The following BFSP1 variants were observed in gnomAD, a reference collection of about 807,000 sequenced individuals.
BFSP1 encodes beaded filament structural protein 1, also known as filensin.
In BFSP1, 38 loss-of-function variants were observed where a neutral mutation model predicts 43.9. The observed-to-expected ratio is 0.87, with a 90% CI of 0.67 to 1.14. The LOEUF is 1.14. Ranked by LOEUF, BFSP1 falls within the 50% of genes most tolerant of loss-of-function variation. BFSP1 has a pLI of 0.00. For missense variants in BFSP1, 850 were observed against 875.1 expected (o/e 0.97, Z 0.36); for synonymous variants, 352 against 354.8 (o/e 0.99, Z 0.09).
intron 1 of BFSP1, among the ~76,000 whole-genome samples, chr20:17,549,933 G>A (rs1002511624): frequency 1.3e-5 from 2 of 152,090 alleles, no homozygotes; most frequent in Non-Finnish European, 2.9e-5. Flanking sequence ...TGCAACACTG[G>A]GGATTACAAT....
At chr20:17,544,916 C>A (rs946002720) in intron 1 of BFSP1, among the ~76,000 whole-genome samples, 1 of 152,174 alleles carries the variant, frequency 6.6e-6, no homozygotes, top group African/African-American at 2.4e-5. Flanking sequence ...TGCATCCAGA[C>A]AAAGGTTCAA....
intron 1 of BFSP1, among the ~76,000 whole-genome samples, chr20:17,553,093 C>A (rs1243445408): frequency 6.6e-6 from 1 of 152,106 alleles, no homozygotes; most frequent in East Asian, 1.9e-4. Context: ...GAGGAACCAG[C>A]AAAGGAGCCT....
At position 17,529,494 on chromosome 20, in the gene BFSP1, A is replaced by G. The variant is rs189666453; in HGVS notation, c.377+1459T>C. Among the ~76,000 whole-genome samples, 1,181 of 151,356 alleles carry G rather than the reference A, an allele frequency of 7.8e-3. 7 individuals carry two copies. The highest frequency in any genetic ancestry group is 0.017 in the South Asian group (80 of 4,752). On this transcript the variant is annotated intron_variant, in intron 1 of 7. Coordinates refer to ENST00000377873, the MANE Select transcript of BFSP1 (RefSeq NM_001195.5). ...TTATCTCCCTCAGGTAGCCAGTGTC[A>G]TTGGGGCATGTGCCTGTGTGTGTGT...
intron 1 of BFSP1, among the ~76,000 whole-genome samples, chr20:17,528,494 T>C (rs896902329): frequency 1.3e-5 from 2 of 152,218 alleles, no homozygotes; most frequent in African/African-American, 4.8e-5. Context: ...CACAGGGCAC[T>C]TTCCCCCTTT....
Position 17,530,942 on chromosome 20 carries a change from C to T in BFSP1, c.377+11G>A. On this transcript the variant is annotated intron_variant, in intron 1 of 7. Transcript: ENST00000377873. The stretch of plus-strand genomic sequence containing the variant: ...GCCCTGCCTCGGTTTCCCCCGATGG[C>T]CGCCGCTTACTTGCTTCGGAACTCG... 1 of 1,412,996 alleles carries T rather than the reference C, an allele frequency of 7.1e-7. No homozygotes were observed. Among genetic ancestry groups the T allele is most frequent in the Non-Finnish European group, 9.2e-7 (1 of 1,087,066 alleles). The allele number at this position is 1,412,996 out of a possible 1,614,324, so 87.5% of individuals were successfully genotyped here.
intron 4 of BFSP1, among the ~76,000 whole-genome samples, chr20:17,509,232 A>T (rs928338438): frequency 6.6e-6 from 1 of 152,064 alleles, no homozygotes; most frequent in African/African-American, 2.4e-5. Flanking sequence ...GAACAAGAAG[A>T]GACACCAGAG....
chr20:17,521,290 T>C (rs1352089299), intron 2 of BFSP1, among the ~76,000 whole-genome samples: 1 of 152,230 alleles, frequency 6.6e-6, no homozygotes, highest in Admixed American at 6.5e-5. Context: ...ATAATTTATC[T>C]GGCTGATAAA....
intron 1 of BFSP1, among the ~76,000 whole-genome samples, chr20:17,548,641 C>T (rs1370464953): frequency 6.6e-6 from 1 of 152,154 alleles, no homozygotes; most frequent in Non-Finnish European, 1.5e-5. Context: ...CTCCAAGGGG[C>T]TTTTATCAGT....
chr20:17,537,042 C>T (rs748106060), intron 1 of BFSP1, among the ~76,000 whole-genome samples: 32 of 152,258 alleles, frequency 2.1e-4, no homozygotes, highest in Admixed American at 7.8e-4. Context: ...CCCTAGCAAA[C>T]GAATACACTG....
At chr20:17,499,328 C>T (rs571225435) in intron 5 of BFSP1, among the ~76,000 whole-genome samples, 8 of 149,588 alleles carry the variant, frequency 5.3e-5, no homozygotes, top group Admixed American at 6.7e-5. Context: ...ACTGCATCCT[C>T]GACCTCCCAG....
chr20:17,537,794 T>A (rs1228911349), intron 1 of BFSP1, among the ~76,000 whole-genome samples: 1 of 152,180 alleles, frequency 6.6e-6, no homozygotes, highest in Non-Finnish European at 1.5e-5. Flanking sequence ...TTAAAATGTC[T>A]AATTTTAAAC....
chr20:17,567,162 G>T (rs1487164761), intron 1 of BFSP1, among the ~76,000 whole-genome samples: 1 of 152,130 alleles, frequency 6.6e-6, no homozygotes, highest in Non-Finnish European at 1.5e-5. Flanking sequence ...TAGAAAAGCT[G>T]GGTGTTAAAT....
intron 2 of BFSP1, among the ~76,000 whole-genome samples, chr20:17,518,220 G>A (rs1440587630): frequency 6.6e-6 from 1 of 152,206 alleles, no homozygotes; most frequent in African/African-American, 2.4e-5. Flanking sequence ...ATTACAAAAA[G>A]GGACACATTT....
Position 17,494,631 on chromosome 20 carries a change from C to G in BFSP1, c.1441G>C (p.Asp481His). Reference sequence around the variant, plus strand: ...ATGGAGGAGACATAGAATCTAGGGTCCACGTAATTGGCATCCCCTGTGACC... The same window carrying G: ...ATGGAGGAGACATAGAATCTAGGGTGCACGTAATTGGCATCCCCTGTGACC... The part of the protein sequence containing the change: ...VLVTGDANYV[D>H]PRFYVSSITA... Residue 481 changes from aspartate to histidine, a missense_variant, in exon 8 of 8, where the codon GAC becomes CAC. Physicochemically the swap from Asp to His is moderately conservative, Grantham distance 81 (BLOSUM62 -1). Coordinates refer to ENST00000377873, the MANE Select transcript of BFSP1 (RefSeq NM_001195.5). The G allele has an allele frequency of 6.2e-7, 1 of 1,614,210 alleles. No individual in the cohort carries two copies. The highest frequency in any genetic ancestry group is 8.5e-7 in the Non-Finnish European group (1 of 1,180,048).
chr20:17,520,102 G>A (rs2034284421), intron 2 of BFSP1, among the ~76,000 whole-genome samples: 1 of 152,152 alleles, frequency 6.6e-6, no homozygotes, highest in Non-Finnish European at 1.5e-5. Flanking sequence ...TGTGGTCCCT[G>A]GATCACAACA....
chr20:17,514,649 A>G, intron 3 of BFSP1, 72 bp downstream of exon 3: 1 of 1,452,898 alleles, frequency 6.9e-7, no homozygotes, highest in Non-Finnish European at 9.6e-7. Flanking sequence ...TTTCAGCCAC[A>G]GTACCCTCGG....
upstream of BFSP1, among the ~76,000 whole-genome samples, chr20:17,536,301 A>G (rs2034627873): frequency 6.6e-6 from 1 of 152,212 alleles, no homozygotes; most frequent in African/African-American, 2.4e-5. Context: ...CTACAATCCC[A>G]GCACTTTGGG....
chr20:17,514,262 C>T (rs936238658), intron 3 of BFSP1, among the ~76,000 whole-genome samples: 1 of 152,118 alleles, frequency 6.6e-6, no homozygotes, highest in Non-Finnish European at 1.5e-5. Flanking sequence ...TATGCCAGGG[C>T]CCCCCAGAAT....
chr20:17,512,395 G>A (rs2034105750), intron 3 of BFSP1, among the ~76,000 whole-genome samples: 2 of 139,952 alleles, frequency 1.4e-5, no homozygotes, highest in East Asian at 3.9e-4. Flanking sequence ...AGCCCTGGGT[G>A]GCGGAGGCAC....
Sources: gnomAD v4.1 joint callset for allele counts (sites outside exome capture counted in the v4.1 genomes callset) on GRCh38, gnomAD v4.1.1 for gene constraint, MANE v1.5 for transcripts, NCBI Gene and HGNC (gene_info 2026-07-23, HGNC 2026-07-21) for gene names.